Variants in CACNA1B observed in about 807,000 individuals in gnomAD.
CACNA1B encodes calcium voltage-gated channel subunit alpha1 B.
In CACNA1B, 70 loss-of-function variants were observed where a neutral mutation model predicts 247.2. The observed-to-expected ratio is 0.28, with a 90% CI of 0.23 to 0.35. CACNA1B has a LOEUF of 0.35. CACNA1B is among the 10% of genes least tolerant of loss of function. The probability of loss-of-function intolerance (pLI) is 1.00; values close to 1 mark genes in which losing one functional copy is unlikely to be tolerated. For missense variants in CACNA1B, 2,367 were observed against 3,197.4 expected (o/e 0.74, Z 6.26); for synonymous variants, 1,231 against 1,294.4 (o/e 0.95, Z 1.05).
intron 3 of CACNA1B, among the ~76,000 whole-genome samples, chr9:137,886,607 C>A (rs1957016318): frequency 6.6e-6 from 1 of 150,938 alleles, no homozygotes; most frequent in African/African-American, 2.4e-5. Flanking sequence ...GGGGACAAGA[C>A]ACCTCCCGGG....
intron 15 of CACNA1B, among the ~76,000 whole-genome samples, chr9:137,998,251 A>G (rs915752332): frequency 1.3e-5 from 2 of 152,194 alleles, no homozygotes; most frequent in Non-Finnish European, 2.9e-5. Flanking sequence ...CGGAGTGTTT[A>G]AAATATTGTG....
In CACNA1B at chr9:137,882,723, A is replaced by G. The variant is rs200338418; in HGVS notation, c.391-21A>G. On this transcript the variant is annotated intron_variant, in intron 2 of 46. Coordinates refer to ENST00000371372, the MANE Select transcript of CACNA1B (RefSeq NM_000718.4). The surrounding 1 kb of genome is among the most constrained non-coding windows in gnomAD (Gnocchi z 4.0). ...CACCGGGTAGGGGCCAGGGGTGACC[A>G]CTGTTCTGCGCTTCTCCTAGGACGA... 5.0e-6 allele frequency: 8 copies of G among 1,613,638 alleles called. No homozygotes were observed. Among genetic ancestry groups the G allele is most frequent in the Non-Finnish European group, 6.8e-6 (8 of 1,179,756 alleles).
chr9:137,903,040 T>C (rs1025893780), intron 3 of CACNA1B, among the ~76,000 whole-genome samples: 2 of 152,242 alleles, frequency 1.3e-5, no homozygotes, highest in Non-Finnish European at 2.9e-5. Context: ...GATTATTTCC[T>C]TGGGACAAAT....
intron 6 of CACNA1B, among the ~76,000 whole-genome samples, chr9:137,924,881 C>T (rs771000405): frequency 7.2e-5 from 11 of 152,196 alleles, no homozygotes; most frequent in South Asian, 2.1e-4. Context: ...TGAAAGGAAG[C>T]GGACCTTGGT....
chr9:137,970,432 G>A (rs1958132725), intron 10 of CACNA1B, among the ~76,000 whole-genome samples: 1 of 152,178 alleles, frequency 6.6e-6, no homozygotes, highest in Non-Finnish European at 1.5e-5. Flanking sequence ...GTTAAGCATT[G>A]ATCAAGCCCC....
Position 138,013,235 on chromosome 9 carries a change from CGT to C in CACNA1B, c.2267+1_2267+2del. 6.3e-7 allele frequency: 1 copy of C among 1,585,604 alleles called. No homozygotes were observed. The highest frequency in any genetic ancestry group is 8.6e-7 in the Non-Finnish European group (1 of 1,166,354). On this transcript the variant is annotated splice_donor_variant, in intron 18 of 46. Coordinates refer to ENST00000371372, the MANE Select transcript of CACNA1B (RefSeq NM_000718.4). LOFTEE classifies it high-confidence loss of function. ...TCTGCCGCGAACATCTCCATCGCCG[CGT>C]AAGGCTCCTAGGAGTGGATTGTGGG...
At chr9:137,944,122 A>T (rs751435279) in intron 6 of CACNA1B, among the ~76,000 whole-genome samples, 1 of 151,890 alleles carries the variant, frequency 6.6e-6, no homozygotes, top group African/African-American at 2.4e-5. Flanking sequence ...GGCTGTCATA[A>T]TTTTTGCTTG....
chr9:137,940,055 GAA>G, intron 6 of CACNA1B, among the ~76,000 whole-genome samples: 1 of 151,752 alleles, frequency 6.6e-6, no homozygotes, highest in East Asian at 1.9e-4. Flanking sequence ...CCCAGCAGAA[GAA>G]AGAGATAACC....
rs9696937 is a variant in CACNA1B at position 138,121,151 on chromosome 9, T to C, written c.6489+270T>C. ...TTTCGGACCTGGGCCCCCAAATACT[T>C]ACCTCTCTCTCGGTCACTTAACTCT... On this transcript the variant is annotated intron_variant, in intron 46 of 46. Coordinates refer to ENST00000371372, the MANE Select transcript of CACNA1B (RefSeq NM_000718.4). This position sits in a 1 kb window ranked among gnomAD's most constrained non-coding sequence, Gnocchi z 6.8. Among the ~76,000 whole-genome samples, 135,949 of 151,846 alleles carry C rather than the reference T, an allele frequency of 0.9. 60,923 individuals carry two copies. The highest frequency in any genetic ancestry group is 0.95 in the Middle Eastern group (279 of 294).
At chr9:138,026,926 A>G (rs892852269) in intron 20 of CACNA1B, among the ~76,000 whole-genome samples, 2 of 152,220 alleles carry the variant, frequency 1.3e-5, no homozygotes, top group African/African-American at 2.4e-5. Context: ...CATCCTTGCC[A>G]ATATTCAGTG....
chr9:137,966,849 A>G (rs926306542), intron 10 of CACNA1B, among the ~76,000 whole-genome samples: 12 of 151,936 alleles, frequency 7.9e-5, no homozygotes, highest in Non-Finnish European at 1.5e-5. Flanking sequence ...ATTTTTTAAA[A>G]TTTTATTTAT....
At position 138,122,286 on chromosome 9, in the gene CACNA1B, G is replaced by A; in HGVS notation, c.*287G>A. The A allele has an allele frequency of 2.1e-6, 1 of 487,078 alleles. No homozygotes were observed. The highest frequency in any genetic ancestry group is 3.0e-5 in the South Asian group (1 of 33,260). 30.2% of individuals were successfully genotyped at this position (487,078 alleles called of 1,614,324 possible). On this transcript the variant is annotated 3_prime_UTR_variant, in exon 47 of 47. Transcript: ENST00000371372. ...GCTGTGTGTGGCTGAGAAGGACCCA[G>A]GAGTCCAAATCCCGTGTCCTGGGAC...
intron 12 of CACNA1B, among the ~76,000 whole-genome samples, chr9:137,983,349 C>A (rs1589048285): frequency 6.6e-6 from 1 of 152,088 alleles, no homozygotes; most frequent in Non-Finnish European, 1.5e-5. Context: ...CAGTTTGGGG[C>A]CCCTTGCTTG....
At chr9:137,901,500 A>G (rs1957239240) in intron 3 of CACNA1B, among the ~76,000 whole-genome samples, 1 of 151,392 alleles carries the variant, frequency 6.6e-6, no homozygotes, top group Non-Finnish European at 1.5e-5. Context: ...TGATTTTTGT[A>G]TTTTTAGTAG....
At chr9:137,994,552 T>G (rs946607168) in intron 15 of CACNA1B, among the ~76,000 whole-genome samples, 2 of 152,218 alleles carry the variant, frequency 1.3e-5, no homozygotes, top group African/African-American at 2.4e-5. Flanking sequence ...TTTTGCTCTT[T>G]TATACATTAA....
chr9:138,114,312 C>T (rs1961777946), intron 40 of CACNA1B, 66 bp from the exon 41 acceptor site: 1 of 809,822 alleles, frequency 1.2e-6, no homozygotes, highest in Middle Eastern at 2.2e-4. Flanking sequence ...CACCTTACTT[C>T]CATACCTTGT....
At chr9:138,046,861 C>T in intron 21 of CACNA1B, 43 bp from the exon 22 acceptor site, 1 of 1,592,472 alleles carries the variant, frequency 6.3e-7, no homozygotes, top group Non-Finnish European at 8.6e-7. Flanking sequence ...GGGTGGCGCG[C>T]CCGGCTGGGG....
intron 31 of CACNA1B, among the ~76,000 whole-genome samples, chr9:138,066,379 C>T (rs956329128): frequency 6.6e-6 from 1 of 151,942 alleles, no homozygotes; most frequent in African/African-American, 2.4e-5. Context: ...CCCAGGAGTT[C>T]GAGGCTGCAG....
chr9:138,067,905 C>A (rs1360057706), intron 31 of CACNA1B, among the ~76,000 whole-genome samples: 1 of 152,194 alleles, frequency 6.6e-6, no homozygotes, highest in African/African-American at 2.4e-5. Context: ...GTTCTGCCGA[C>A]CAAACAGAGG....
Sources: allele counts gnomAD v4.1 joint callset (sites outside exome capture counted in the v4.1 genomes callset), GRCh38; gene constraint gnomAD v4.1.1; non-coding constraint Gnocchi (gnomAD v3.1); transcripts MANE v1.5; gene names NCBI Gene and HGNC (gene_info 2026-07-23, HGNC 2026-07-21).